The following GLRA3 variants were observed in gnomAD, a reference collection of about 807,000 sequenced individuals.
GLRA3 encodes glycine receptor subunit alpha-3.
Under a neutral mutation model 60.4 loss-of-function variants are expected in GLRA3, and 44 were observed. That is an observed-to-expected ratio of 0.73 (90% CI 0.57 to 0.94). The LOEUF (loss-of-function observed/expected upper bound fraction) is 0.94. GLRA3 is among the 40% of genes least tolerant of loss of function. The probability of loss-of-function intolerance (pLI) is 0.00; values close to 1 mark genes in which losing one functional copy is unlikely to be tolerated. For missense variants in GLRA3, 508 were observed against 564.6 expected (o/e 0.90, Z 1.02); for synonymous variants, 223 against 192.9 (o/e 1.16, Z -1.29).
At chr4:174,800,102 G>A (rs1579629002) in intron 1 of GLRA3, among the ~76,000 whole-genome samples, 2 of 152,082 alleles carry the variant, frequency 1.3e-5, no homozygotes, top group African/African-American at 2.4e-5. Context: ...CAGCAGATTA[G>A]GCATAGCTAA....
At chr4:174,739,825 T>A (rs1736945302) in intron 3 of GLRA3, among the ~76,000 whole-genome samples, 1 of 151,998 alleles carries the variant, frequency 6.6e-6, no homozygotes, top group Admixed American at 6.6e-5. Context: ...CACGGTAAAG[T>A]CAAGATCCAC....
At chr4:174,753,796 T>G (rs1737576929) in intron 3 of GLRA3, among the ~76,000 whole-genome samples, 1 of 152,156 alleles carries the variant, frequency 6.6e-6, no homozygotes, top group African/African-American at 2.4e-5. Context: ...GCCATTACAT[T>G]TAACTCTACA....
intron 6 of GLRA3, among the ~76,000 whole-genome samples, chr4:174,681,690 G>A (rs777853331): frequency 1.2e-4 from 18 of 152,122 alleles, no homozygotes; most frequent in Non-Finnish European, 2.4e-4. Flanking sequence ...CCAGAACTGC[G>A]AGAGAACACA....
chr4:174,790,816 TA>T (rs1739307690), intron 1 of GLRA3, among the ~76,000 whole-genome samples: 2 of 19,936 alleles, frequency 1.0e-4, no homozygotes, highest in African/African-American at 4.0e-4. Flanking sequence ...GGGTCTCTAC[TA>T]AAAAATACAA....
chr4:174,731,501 C>T (rs987108116), intron 3 of GLRA3, among the ~76,000 whole-genome samples: 15 of 152,206 alleles, frequency 9.9e-5, no homozygotes, highest in African/African-American at 2.4e-4. Flanking sequence ...CTCTACATGA[C>T]GCTACTCAAG....
At chr4:174,792,299 G>A (rs1338892817) in intron 1 of GLRA3, among the ~76,000 whole-genome samples, 1 of 152,036 alleles carries the variant, frequency 6.6e-6, no homozygotes, top group Non-Finnish European at 1.5e-5. Flanking sequence ...TTTCCTCCGA[G>A]GCCCTCCCTT....
chr4:174,677,203 C>T lies in GLRA3; in HGVS notation c.802G>A (p.Val268Ile), dbSNP rs1290651421. ...IQMYIPSLLI[V>I]ILSWVSFWIN... ...CAGAATGAAACCCAGGATAGAATAA[C>T]AATCAGGAGACTGGGAATGTACATC... The change falls in exon 7 of 10, where the codon GTT (valine) becomes ATT (isoleucine). Residue 268 changes from valine (V) to isoleucine (I), a missense_variant. Physicochemically the swap from Val to Ile is conservative, Grantham distance 29. This residue lies in a region of GLRA3 where 329 missense variants were observed against 349.3 expected (regional missense o/e 0.94). Transcript: ENST00000274093. 6.2e-7 allele frequency: 1 copy of T among 1,612,028 alleles called. No individual in the cohort carries two copies.
chr4:174,810,254 C>A (rs1057059131), intron 1 of GLRA3, among the ~76,000 whole-genome samples: 10 of 152,100 alleles, frequency 6.6e-5, no homozygotes, highest in African/African-American at 2.4e-4. Context: ...GGAAAGGAAA[C>A]AAAAGATGCT....
intron 9 of GLRA3, among the ~76,000 whole-genome samples, chr4:174,652,942 A>G (rs1009389865): frequency 3.9e-4 from 60 of 152,136 alleles, no homozygotes; most frequent in African/African-American, 1.3e-3. Flanking sequence ...CTAGAACAGC[A>G]TGAAGTATTG....
At chr4:174,761,286 A>G (rs1029630954) in intron 3 of GLRA3, among the ~76,000 whole-genome samples, 1 of 152,070 alleles carries the variant, frequency 6.6e-6, no homozygotes, top group African/African-American at 2.4e-5. Flanking sequence ...GTATTGGCTT[A>G]GGTATCTCTC....
chr4:174,807,019 C>G (rs1358472468), intron 1 of GLRA3, among the ~76,000 whole-genome samples: 5 of 151,942 alleles, frequency 3.3e-5, no homozygotes, highest in Admixed American at 3.3e-4. Flanking sequence ...AGAGACTGCT[C>G]TATGTTCTCA....
intron 2 of GLRA3, among the ~76,000 whole-genome samples, chr4:174,783,163 C>T (rs1454945800): frequency 2.0e-5 from 3 of 151,734 alleles, no homozygotes; most frequent in African/African-American, 4.8e-5. Context: ...GAAATAACGC[C>T]GCGTATCTAC....
chr4:174,713,427 T>C (rs374787957), intron 5 of GLRA3, among the ~76,000 whole-genome samples: 8 of 152,278 alleles, frequency 5.3e-5, no homozygotes, highest in African/African-American at 1.9e-4. Flanking sequence ...TTCTCATCTT[T>C]CTTTAATAAC....
intron 7 of GLRA3, among the ~76,000 whole-genome samples, chr4:174,668,324 C>T (rs1227443199): frequency 6.6e-6 from 1 of 152,142 alleles, no homozygotes; most frequent in African/African-American, 2.4e-5. Context: ...GGTAATCCTT[C>T]ATAACTACGT....
chr4:174,779,837 T>C (rs1209877889), intron 2 of GLRA3, among the ~76,000 whole-genome samples: 3 of 151,962 alleles, frequency 2.0e-5, no homozygotes, highest in Non-Finnish European at 4.4e-5. Flanking sequence ...CTACGTCTGA[T>C]TGGTGTACCT....
intron 3 of GLRA3, among the ~76,000 whole-genome samples, chr4:174,743,592 G>A (rs1281265481): frequency 6.6e-6 from 1 of 152,120 alleles, no homozygotes; most frequent in Non-Finnish European, 1.5e-5. Flanking sequence ...AATAGCACAT[G>A]ATGTAGACCT....
At chr4:174,698,862 A>G (rs1735178378) in intron 5 of GLRA3, among the ~76,000 whole-genome samples, 1 of 152,190 alleles carries the variant, frequency 6.6e-6, no homozygotes, top group Admixed American at 6.5e-5. Context: ...TTCGCATTTA[A>G]TACACAGTAT....
At chr4:174,732,621 C>T (rs1298364461) in intron 3 of GLRA3, among the ~76,000 whole-genome samples, 2 of 151,908 alleles carry the variant, frequency 1.3e-5, no homozygotes, top group African/African-American at 4.8e-5. Context: ...AAATCAAATA[C>T]CTAGTAGTGA....
chr4:174,728,756 T>C lies in GLRA3; in HGVS notation c.268-58A>G. ...AAACCCTGCTTTAAAAAGTTTAAAA[T>C]CCATAGTGTCAGTGTGGTGCCAAGG... On this transcript the variant is annotated intron_variant, in intron 3 of 9. Transcript: ENST00000274093. 3.6e-6 allele frequency: 4 copies of C among 1,103,574 alleles called. No individual in the cohort carries two copies. The East Asian group carries it at 7.1e-5, about 20-fold the overall frequency. The allele number at this position is 1,103,574 out of a possible 1,614,324, so 68.4% of individuals were successfully genotyped here.
Sources: gnomAD v4.1 joint callset for allele counts (sites outside exome capture counted in the v4.1 genomes callset) on GRCh38, gnomAD v4.1.1 for gene constraint, gnomAD v4.1.1 regional missense constraint, MANE v1.5 for transcripts, NCBI Gene and HGNC (gene_info 2026-07-23, HGNC 2026-07-21) for gene names.